CNTN6: variants seen among roughly 807,000 people sequenced by gnomAD.
CNTN6 encodes contactin 6.
CNTN6 carries 137 observed loss-of-function variants against 122.8 expected under a neutral mutation model. That is an observed-to-expected ratio of 1.12 (90% CI 0.97 to 1.29). The LOEUF (loss-of-function observed/expected upper bound fraction) is 1.29, where lower values mean the gene tolerates loss of function less well. Among genes scored for constraint, CNTN6 ranks in the 50% most tolerant of loss-of-function variants. CNTN6 has a pLI of 0.00. For synonymous variants in CNTN6, 570 were observed against 426.0 expected, an observed-to-expected ratio of 1.34 and a Z score of -4.16; for missense variants, 1,634 against 1,223.4, an observed-to-expected ratio of 1.34 and a Z score of -5.01.
At position 1,259,044 on chromosome 3, in the gene CNTN6, A is replaced by G. The variant is rs374491013; in HGVS notation, c.359-19369A>G. On this transcript the variant is annotated intron_variant, in intron 4 of 22. Transcript: ENST00000446702. Reference sequence around the variant, plus strand: ...CAATAAAACTTTATTCACAAAACAGACAGTGAGTAGGATTTAGCTCATGGG... The same window carrying G: ...CAATAAAACTTTATTCACAAAACAGGCAGTGAGTAGGATTTAGCTCATGGG... Among the ~76,000 whole-genome samples, 11 of 152,282 alleles carry G rather than the reference A, an allele frequency of 7.2e-5. No homozygotes were observed. The East Asian group carries it at 1.7e-3, about 24-fold the overall frequency.
intron 1 of CNTN6, among the ~76,000 whole-genome samples, chr3:1,133,614 C>T (rs374238611): frequency 4.6e-5 from 7 of 152,046 alleles, no homozygotes; most frequent in South Asian, 2.1e-4. Flanking sequence ...CCTCTTGAGG[C>T]GCTCATGGAG....
intron 11 of CNTN6, among the ~76,000 whole-genome samples, chr3:1,340,212 A>G (rs2126033967): frequency 6.6e-6 from 1 of 152,282 alleles, no homozygotes; most frequent in South Asian, 2.1e-4. Flanking sequence ...GATTTTAATG[A>G]GATTTCTGGT....
At chr3:1,323,862 A>C (rs1042316439) in intron 8 of CNTN6, among the ~76,000 whole-genome samples, 5 of 151,778 alleles carry the variant, frequency 3.3e-5, no homozygotes, top group African/African-American at 1.2e-4. Flanking sequence ...CAGAATTTTA[A>C]TCATCCAAAG....
chr3:1,268,869 T>A (rs995180699), intron 4 of CNTN6, among the ~76,000 whole-genome samples: 11 of 151,984 alleles, frequency 7.2e-5, no homozygotes, highest in African/African-American at 2.7e-4. Context: ...TAATCCTAGC[T>A]ACTCAGAAGG....
At chr3:1,241,666 C>A (rs1352872913) in intron 4 of CNTN6, among the ~76,000 whole-genome samples, 1 of 152,060 alleles carries the variant, frequency 6.6e-6, no homozygotes, top group Admixed American at 6.6e-5. Flanking sequence ...TGGGCTCTAT[C>A]CTTGAGTTTT....
chr3:1,258,002 CTGAT>C (rs1432595526), intron 4 of CNTN6, among the ~76,000 whole-genome samples: 1 of 152,090 alleles, frequency 6.6e-6, no homozygotes, highest in Admixed American at 6.6e-5. Context: ...TCATTTTAAC[CTGAT>C]TTATTTGGCT....
intron 2 of CNTN6, among the ~76,000 whole-genome samples, chr3:1,161,630 G>C (rs1031840813): frequency 1.3e-5 from 2 of 151,602 alleles, no homozygotes; most frequent in African/African-American, 4.8e-5. Context: ...CTGCTCTGTT[G>C]AGCTATGTTT....
intron 2 of CNTN6, among the ~76,000 whole-genome samples, chr3:1,152,126 ATTTGTTTG>A (rs202136944): frequency 7.1e-5 from 10 of 141,596 alleles, no homozygotes; most frequent in Non-Finnish European, 1.2e-4. Context: ...TTATTTATAT[ATTTGTTTG>A]TTTGTTTGTT....
chr3:1,270,892 CTTTG>C (rs948722265), intron 4 of CNTN6, among the ~76,000 whole-genome samples: 4 of 140,682 alleles, frequency 2.8e-5, no homozygotes, highest in Non-Finnish European at 6.2e-5. Flanking sequence ...TTTACTTTGT[CTTTG>C]TTTGTTTGTT....
chr3:1,372,557 C>T, intron 13 of CNTN6, 83 bp downstream of exon 13: 1 of 1,168,438 alleles, frequency 8.6e-7, no homozygotes, highest in Non-Finnish European at 1.2e-6. Context: ...TTACTCTCTC[C>T]ATCTTTATTT....
At chr3:1,350,193 T>C (rs1705408843) in intron 11 of CNTN6, among the ~76,000 whole-genome samples, 5 of 151,778 alleles carry the variant, frequency 3.3e-5, no homozygotes, top group Admixed American at 3.3e-4. Flanking sequence ...CTACAGTGCA[T>C]AGGGTGTCTT....
At chr3:1,310,365 C>A (rs1324195308) in intron 7 of CNTN6, among the ~76,000 whole-genome samples, 2 of 151,904 alleles carry the variant, frequency 1.3e-5, no homozygotes, top group Non-Finnish European at 2.9e-5. Context: ...TTTTTGGCAC[C>A]AGTTGATATG....
chr3:1,215,559 G>T (rs373302088), intron 2 of CNTN6, among the ~76,000 whole-genome samples: 3 of 151,954 alleles, frequency 2.0e-5, no homozygotes, highest in African/African-American at 7.3e-5. Flanking sequence ...TATTGACATT[G>T]TTATATTATT....
chr3:1,168,347 G>A (rs2093298124), intron 2 of CNTN6, among the ~76,000 whole-genome samples: 1 of 149,484 alleles, frequency 6.7e-6, no homozygotes, highest in Non-Finnish European at 1.5e-5. Flanking sequence ...GGGTGAGAAA[G>A]GATGAGGTTT....
chr3:1,330,711 C>G (rs1702171548), intron 11 of CNTN6, among the ~76,000 whole-genome samples: 1 of 151,822 alleles, frequency 6.6e-6, no homozygotes, highest in African/African-American at 2.4e-5. Context: ...TCTTCTTCAG[C>G]ATCATATGTT....
At chr3:1,396,028 A>T (rs1389404401) in intron 20 of CNTN6, among the ~76,000 whole-genome samples, 4 of 151,950 alleles carry the variant, frequency 2.6e-5, no homozygotes, top group East Asian at 3.9e-4. Context: ...CTCCATCTAA[A>T]CCTCAAACTG....
At chr3:1,127,383 G>A (rs1288434083) in intron 1 of CNTN6, among the ~76,000 whole-genome samples, 1 of 151,962 alleles carries the variant, frequency 6.6e-6, no homozygotes, top group East Asian at 1.9e-4. Context: ...GGTACAGTAA[G>A]TAAAAATCCA....
intron 2 of CNTN6, among the ~76,000 whole-genome samples, chr3:1,206,619 T>C (rs984047456): frequency 2.0e-5 from 3 of 152,194 alleles, no homozygotes; most frequent in African/African-American, 7.2e-5. Context: ...CCTATTTCTC[T>C]AGACCCTTTT....
chr3:1,270,863 G>A (rs1428475447), intron 4 of CNTN6, among the ~76,000 whole-genome samples: 3 of 151,966 alleles, frequency 2.0e-5, no homozygotes, highest in Admixed American at 6.6e-5. Flanking sequence ...ATGCACTCTC[G>A]AGCCACAATA....
Sources: gnomAD v4.1 joint callset for allele counts (sites outside exome capture counted in the v4.1 genomes callset) on GRCh38, gnomAD v4.1.1 for gene constraint, MANE v1.5 for transcripts, NCBI Gene and HGNC (gene_info 2026-07-23, HGNC 2026-07-21) for gene names.